Variants in OR1B1 observed in about 807,000 individuals in gnomAD.
OR1B1 encodes olfactory receptor 1B1.
For missense variants in OR1B1, 414 were observed against 402.1 expected, an observed-to-expected ratio of 1.03 and a Z score of -0.25; for synonymous variants, 168 against 156.2, an observed-to-expected ratio of 1.08 and a Z score of -0.57.
chr9:122,629,691 G>C, upstream of OR1B1: 2 of 555,276 alleles, frequency 3.6e-6, no homozygotes, highest in Non-Finnish European at 6.3e-6. Flanking sequence ...CCCTCCCTAA[G>C]GTCTAGGATT....
downstream of OR1B1, chr9:122,628,519 T>C (rs113252686): frequency 3.9e-4 from 457 of 1,161,972 alleles, no homozygotes; most frequent in African/African-American, 6.3e-3. Context: ...CAAAACCAAC[T>C]CTGCTCAGAA....
the OR1B1 span, among the ~76,000 whole-genome samples, chr9:122,648,355 A>G: frequency 1.3e-5 from 2 of 152,210 alleles, no homozygotes; most frequent in Non-Finnish European, 2.9e-5. Context: ...ATAAAATTCA[A>G]CACCCGTTCA....
chr9:122,646,904 A>T, the OR1B1 span, among the ~76,000 whole-genome samples: 6 of 152,300 alleles, frequency 3.9e-5, no homozygotes, highest in East Asian at 1.2e-3. Context: ...GAGAAACAAC[A>T]AAAAGTTAAA....
the OR1B1 span, among the ~76,000 whole-genome samples, chr9:122,654,571 C>T: frequency 6.6e-6 from 1 of 152,170 alleles, no homozygotes; most frequent in Non-Finnish European, 1.5e-5. Flanking sequence ...GAAAGTACCA[C>T]TCCTTCTTTA....
At chr9:122,642,663 C>T in the OR1B1 span, among the ~76,000 whole-genome samples, 1 of 152,114 alleles carries the variant, frequency 6.6e-6, no homozygotes, top group African/African-American at 2.4e-5. Context: ...GTAGAGAAGA[C>T]AAATCAATCA....
At chr9:122,631,229 T>C (rs1242841266), upstream of OR1B1, among the ~76,000 whole-genome samples, 1 of 151,678 alleles carries the variant, frequency 6.6e-6, no homozygotes, top group Non-Finnish European at 1.5e-5. Context: ...CAGGCTGGAG[T>C]GCAGTGGCAC....
At chr9:122,637,717 C>T in the OR1B1 span, among the ~76,000 whole-genome samples, 1 of 152,028 alleles carries the variant, frequency 6.6e-6, no homozygotes, top group Non-Finnish European at 1.5e-5. Flanking sequence ...TTTTTGTTAC[C>T]AGTTTCTAAT....
chr9:122,642,757 A>T, the OR1B1 span, among the ~76,000 whole-genome samples: 1,592 of 152,230 alleles, frequency 0.01, 22 homozygotes, highest in African/African-American at 0.036. Context: ...TCTTCCTATG[A>T]TATAATAAGT....
At chr9:122,656,603 T>G in the OR1B1 span, among the ~76,000 whole-genome samples, 2 of 152,184 alleles carry the variant, frequency 1.3e-5, no homozygotes, top group Non-Finnish European at 2.9e-5. Context: ...TGTCATGCCC[T>G]CAGACTTCCT....
upstream of OR1B1, among the ~76,000 whole-genome samples, chr9:122,631,031 T>C (rs963484238): frequency 6.6e-6 from 1 of 151,844 alleles, no homozygotes; most frequent in African/African-American, 2.4e-5. Context: ...AGACATTTTT[T>C]CTTAATTCTC....
the OR1B1 span, among the ~76,000 whole-genome samples, chr9:122,653,941 A>ATGT: frequency 6.6e-6 from 1 of 152,176 alleles, no homozygotes; most frequent in South Asian, 2.1e-4. Context: ...ATATTATTAA[A>ATGT]TACTTATTTT....
At chr9:122,643,444 C>A in the OR1B1 span, among the ~76,000 whole-genome samples, 91 of 152,212 alleles carry the variant, frequency 6.0e-4, no homozygotes, top group African/African-American at 2.1e-3. Flanking sequence ...GGGAATCACT[C>A]ATCCCAGTGG....
the OR1B1 span, among the ~76,000 whole-genome samples, chr9:122,647,432 G>T: frequency 2.0e-5 from 3 of 152,034 alleles, no homozygotes; most frequent in Non-Finnish European, 2.9e-5. Context: ...ATGGCTATAT[G>T]TGCATACATC....
At chr9:122,628,614 A>G (rs1348647845) in exon 1 of OR1B1, 2 of 1,613,666 alleles carry the variant, frequency 1.2e-6, no homozygotes, top group Admixed American at 3.3e-5. Context: ...AGCAGCCTGC[A>G]GAGTGCACCC....
At chr9:122,649,667 A>G in the OR1B1 span, among the ~76,000 whole-genome samples, 1 of 152,262 alleles carries the variant, frequency 6.6e-6, no homozygotes, top group African/African-American at 2.4e-5. Context: ...ATCACTGGTC[A>G]TTAGAGAAAT....
chr9:122,649,388 CA>C, the OR1B1 span, among the ~76,000 whole-genome samples: 1 of 152,074 alleles, frequency 6.6e-6, no homozygotes, highest in African/African-American at 2.4e-5. Flanking sequence ...CAACAAAAGC[CA>C]AAATTGACAA....
At chr9:122,637,468 A>G in the OR1B1 span, among the ~76,000 whole-genome samples, 4 of 152,174 alleles carry the variant, frequency 2.6e-5, no homozygotes, top group African/African-American at 9.7e-5. Flanking sequence ...CTAGCAAGAA[A>G]TTCTCTTAGG....
At chr9:122,654,588 C>CA in the OR1B1 span, among the ~76,000 whole-genome samples, 1 of 152,186 alleles carries the variant, frequency 6.6e-6, no homozygotes, top group African/African-American at 2.4e-5. Flanking sequence ...TTTATTTCAT[C>CA]AAAACTTTTC....
the OR1B1 span, among the ~76,000 whole-genome samples, chr9:122,646,534 A>T: frequency 1.3e-5 from 2 of 152,160 alleles, no homozygotes; most frequent in Admixed American, 6.6e-5. Context: ...AGACCAAAAA[A>T]AAAAAGAGCA....
Sources: gnomAD v4.1 joint callset for allele counts (sites outside exome capture counted in the v4.1 genomes callset) on GRCh38, gnomAD v4.1.1 for gene constraint, MANE v1.5 for transcripts, NCBI Gene and HGNC (gene_info 2026-07-23, HGNC 2026-07-21) for gene names.